Variants in IGLL5 observed in about 807,000 individuals in gnomAD.
The protein encoded by IGLL5 is immunoglobulin lambda like polypeptide 5, also known as immunoglobulin lambda-like polypeptide 5.
Under a neutral mutation model 20.9 loss-of-function variants are expected in IGLL5, and 30 were observed. That is an observed-to-expected ratio of 1.44 (90% CI 1.07 to 1.95). The LOEUF is 1.95. Among genes scored for constraint, IGLL5 ranks in the 30% most tolerant of loss-of-function variants. IGLL5 has a pLI of 0.00. For missense variants in IGLL5, 475 were observed against 270.7 expected (o/e 1.75, Z -5.30); for synonymous variants, 203 against 117.3 (o/e 1.73, Z -4.72).
At chr22:22,890,458 T>C (rs1184222532) in intron 1 of IGLL5, among the ~76,000 whole-genome samples, 1 of 150,204 alleles carries the variant, frequency 6.7e-6, no homozygotes, top group Admixed American at 6.7e-5. Context: ...ACCACATTCA[T>C]TGCTTATAAA....
rs1048032051 is a variant in IGLL5 at position 22,887,981 on chromosome 22, G to A, written c.-73G>A. ...TACTGTAACAGCCCTGCTGGCGAGA[G>A]GGACCAGGGCACCGTCCTCCAGGGA... On this transcript the variant is annotated 5_prime_UTR_variant, in exon 1 of 3. Transcript: ENST00000526893. The A allele has an allele frequency of 4.9e-6, 6 of 1,227,154 alleles. No homozygotes were observed. The African/African-American group carries it at 7.5e-5, about 15-fold the overall frequency. The allele number at this position is 1,227,154 out of a possible 1,614,324, so 76.0% of individuals were successfully genotyped here. A position where few individuals can be genotyped will look rare whatever the true frequency, so the allele number is the denominator to read the frequency against.
In IGLL5 at chr22:22,888,169, T is replaced by C. The variant is rs532234272; in HGVS notation, c.116T>C (p.Leu39Pro). The change falls in exon 1 of 3, where the codon CTG (leucine) becomes CCG (proline). Residue 39 changes from leucine (L) to proline (P), a missense_variant. Coordinates refer to ENST00000526893, the MANE Select transcript of IGLL5 (RefSeq NM_001178126.2). ...CTGGCCATGGTCGCCCATGGCCTGCTGCGCCCAATGGTTGCACCGCAAAGC... is the reference window on the plus strand; with the variant it reads ...CTGGCCATGGTCGCCCATGGCCTGCCGCGCCCAATGGTTGCACCGCAAAGC... ...LGLAMVAHGL[L>P]RPMVAPQSGD... The C allele has an allele frequency of 4.5e-6, 7 of 1,549,134 alleles. No homozygotes were observed. The highest frequency in any genetic ancestry group is 4.9e-5 in the East Asian group (2 of 40,628).
intron 1 of IGLL5, among the ~76,000 whole-genome samples, chr22:22,888,733 G>C (rs1343786413): frequency 4.6e-5 from 7 of 151,294 alleles, no homozygotes; most frequent in East Asian, 4.1e-4. Context: ...AAGGCTGTCT[G>C]TTCACCAACT....
intron 1 of IGLL5, among the ~76,000 whole-genome samples, chr22:22,888,830 C>A (rs1245666150): frequency 6.6e-6 from 1 of 151,434 alleles, no homozygotes; most frequent in Admixed American, 6.6e-5. Context: ...TTGGAACAGG[C>A]CCACGGCCCA....
intron 1 of IGLL5, among the ~76,000 whole-genome samples, chr22:22,890,375 T>A (rs886275209): frequency 2.0e-5 from 3 of 147,570 alleles, no homozygotes; most frequent in South Asian, 2.2e-4. Context: ...TTTGCAAAAG[T>A]AAGAGCCATA....
intron 1 of IGLL5, among the ~76,000 whole-genome samples, chr22:22,888,999 C>G (rs926600807): frequency 2.0e-5 from 3 of 151,392 alleles, no homozygotes; most frequent in South Asian, 2.1e-4. Context: ...TCCTGGGTGA[C>G]TGGGAAGGGG....
At position 22,888,184 on chromosome 22, in the gene IGLL5, C is replaced by A. The variant is rs538723125; in HGVS notation, c.131C>A (p.Ala44Glu). ...VAHGLLRPMVAPQSGDPDPGA... is the reference protein window; with the variant it reads ...VAHGLLRPMVEPQSGDPDPGA... ...CATGGCCTGCTGCGCCCAATGGTTG[C>A]ACCGCAAAGCGGGGACCCAGACCCT... Residue 44 changes from alanine (A) to glutamate (E), a missense_variant, in exon 1 of 3, where the codon GCA (alanine) becomes GAA (glutamate). Transcript: ENST00000526893. The A allele has an allele frequency of 3.2e-6, 5 of 1,548,794 alleles. No individual in the cohort carries two copies. Among genetic ancestry groups the A allele is most frequent in the Admixed American group, 2.0e-5 (1 of 50,784 alleles).
At chr22:22,894,282 GA>G (rs2068011148) in intron 2 of IGLL5, among the ~76,000 whole-genome samples, 1 of 151,262 alleles carries the variant, frequency 6.6e-6, no homozygotes, top group African/African-American at 2.4e-5. Context: ...TCCAGCCTGG[GA>G]GGGCCACACG....
In IGLL5 at chr22:22,893,722, C is replaced by G. The variant is rs554993594; in HGVS notation, c.229C>G (p.Gln77Glu). Reference protein sequence around the residue: ...WGRLLLQPSPQRADPRCWPRG... With the variant: ...WGRLLLQPSPERADPRCWPRG... ...CAGGCTCCTGCTCCAGCCCAGCCCC[C>G]AGAGAGCAGACCCCAGGTGCTGGCC... Residue 77 changes from glutamine (Q) to glutamate (E), a missense_variant, in exon 2 of 3, where the codon CAG (glutamine) becomes GAG (glutamate). Physicochemically the swap from Gln to Glu is conservative, Grantham distance 29. Transcript: ENST00000526893. 4 of 1,608,548 alleles carry G rather than the reference C, an allele frequency of 2.5e-6. No individual in the cohort carries two copies. The South Asian group carries it at 4.4e-5, about 18-fold the overall frequency.
intron 1 of IGLL5, 32 bp from the exon 2 acceptor site, chr22:22,893,668 C>A: frequency 2.8e-6 from 4 of 1,427,638 alleles, no homozygotes; most frequent in East Asian, 2.4e-5. Flanking sequence ...CAGCCCCGCC[C>A]ACTGCAACCC....
intron 2 of IGLL5, among the ~76,000 whole-genome samples, chr22:22,894,194 T>C (rs545085369): frequency 1.3e-5 from 2 of 151,454 alleles, no homozygotes; most frequent in Non-Finnish European, 2.9e-5. Flanking sequence ...GGGGTGGGCC[T>C]GGGAGCTGCT....
At chr22:22,889,393 AAG>A in intron 1 of IGLL5, among the ~76,000 whole-genome samples, 1 of 151,274 alleles carries the variant, frequency 6.6e-6, no homozygotes, top group South Asian at 2.1e-4. Context: ...TCAAAAAACA[AAG>A]TGTGTTTATC....
At position 22,893,783 on chromosome 22, in the gene IGLL5, A is replaced by T; in HGVS notation, c.290A>T (p.Tyr97Phe). ...TGGTCTGAGCCTCAGTCACTGTGTTATGTCTTCGGAACTGGGACCAAGGTC... is the reference window on the plus strand; with the variant it reads ...TGGTCTGAGCCTCAGTCACTGTGTTTTGTCTTCGGAACTGGGACCAAGGTC... ...GFWSEPQSLCYVFGTGTKVTV... is the reference protein window; with the variant it reads ...GFWSEPQSLCFVFGTGTKVTV... The change falls in exon 2 of 3, where the codon TAT becomes TTT. Residue 97 changes from tyrosine to phenylalanine, a missense_variant. Coordinates refer to ENST00000526893, the MANE Select transcript of IGLL5 (RefSeq NM_001178126.2). 6.2e-7 allele frequency: 1 copy of T among 1,609,748 alleles called. No individual in the cohort carries two copies. Among genetic ancestry groups the T allele is most frequent in the Non-Finnish European group, 8.5e-7 (1 of 1,178,154 alleles).
chr22:22,894,263 G>C (rs1569087616), intron 2 of IGLL5, among the ~76,000 whole-genome samples: 4 of 150,820 alleles, frequency 2.7e-5, no homozygotes, highest in African/African-American at 7.3e-5. Context: ...GCTGAGGACT[G>C]GATGCCAATC....
rs1601605025 is a variant in IGLL5, at chr22:22,888,930, T to C, written c.206+671T>C. On this transcript the variant is annotated intron_variant, in intron 1 of 2. Transcript: ENST00000526893. ...TCGAGGGGCACTGGCTGGTGATGGG[T>C]GCCCCCAAAAGACAGAGCAGCGTCA... Among the ~76,000 whole-genome samples, 6 of 151,002 alleles carry C rather than the reference T, an allele frequency of 4.0e-5. 1 individual carries two copies. The South Asian group carries it at 6.3e-4, about 16-fold the overall frequency.
At chr22:22,888,867 ATCTCCCTCTGGGATGATGCCCAGGCTG>A in intron 1 of IGLL5, among the ~76,000 whole-genome samples, 1 of 151,346 alleles carries the variant, frequency 6.6e-6, no homozygotes, top group East Asian at 2.0e-4. Context: ...GGGAGAGGGG[ATCTCCCTCTGGGATGATGCCCAGGCTG>A]GTCTCACAGA....
intron 2 of IGLL5, among the ~76,000 whole-genome samples, chr22:22,894,906 G>A (rs553632947): frequency 6.6e-6 from 1 of 151,360 alleles, no homozygotes; most frequent in Non-Finnish European, 1.5e-5. Flanking sequence ...AGCAGGCTTG[G>A]GTCTCCCCAC....
rs527245901 is a variant in IGLL5, at chr22:22,887,964, C to T, written c.-90C>T. On this transcript the variant is annotated 5_prime_UTR_variant, in exon 1 of 3. Coordinates refer to ENST00000526893, the MANE Select transcript of IGLL5 (RefSeq NM_001178126.2). Reference sequence around the variant, plus strand: ...GCCAATGGACTGGGGTGTACTGTAACAGCCCTGCTGGCGAGAGGGACCAGG... The same window carrying T: ...GCCAATGGACTGGGGTGTACTGTAATAGCCCTGCTGGCGAGAGGGACCAGG... 279 of 1,034,526 alleles carry T rather than the reference C, an allele frequency of 2.7e-4. No homozygotes were observed. The highest frequency in any genetic ancestry group is 3.9e-4 in the Non-Finnish European group (264 of 677,794). The allele number at this position is 1,034,526 out of a possible 1,614,324, so 64.1% of individuals were successfully genotyped here. A position where few individuals can be genotyped will look rare whatever the true frequency, so the allele number is the denominator to read the frequency against.
At chr22:22,888,698 G>T (rs182220946) in intron 1 of IGLL5, among the ~76,000 whole-genome samples, 4 of 151,182 alleles carry the variant, frequency 2.6e-5, no homozygotes, top group African/African-American at 7.3e-5. Flanking sequence ...GGAGAAGGCA[G>T]CAAGGGCTTG....
Sources: allele counts gnomAD v4.1 joint callset (sites outside exome capture counted in the v4.1 genomes callset), GRCh38; gene constraint gnomAD v4.1.1; transcripts MANE v1.5; gene names NCBI Gene and HGNC (gene_info 2026-07-23, HGNC 2026-07-21).